MTA3: variants seen among roughly 807,000 people sequenced by gnomAD.
The protein encoded by MTA3 is metastasis-associated protein MTA3.
MTA3 carries 34 observed loss-of-function variants against 83.5 expected under a neutral mutation model. The ratio of observed to expected loss-of-function variants is 0.41; its 90% CI spans 0.31 to 0.54. MTA3 has a LOEUF of 0.54. Among genes scored for constraint, MTA3 ranks in the 20% least tolerant of loss-of-function variants. The pLI is 0.33. For synonymous variants in MTA3, 303 were observed against 252.7 expected (o/e 1.20, Z -1.89); for missense variants, 761 against 726.4 (o/e 1.05, Z -0.55).
At chr2:42,744,222 GA>G (rs1218476309) in intron 16 of MTA3, among the ~76,000 whole-genome samples, 3 of 152,202 alleles carry the variant, frequency 2.0e-5, no homozygotes, top group African/African-American at 7.2e-5. Context: ...CCATGAAGAA[GA>G]CAGATCCAAT....
chr2:42,518,968 AACACACACACAC>A (rs60877713), intron 2 of MTA3, among the ~76,000 whole-genome samples: 13,958 of 114,520 alleles, frequency 0.12, 1,026 homozygotes, highest in South Asian at 0.15. Flanking sequence ...CCTTTCTCAA[AACACACACACAC>A]ACACACACAC....
chr2:42,671,455 A>G (rs1573559595), intron 8 of MTA3, among the ~76,000 whole-genome samples: 1 of 152,082 alleles, frequency 6.6e-6, no homozygotes, highest in Non-Finnish European at 1.5e-5. Context: ...AGTGGTACAT[A>G]TTCTGTTTAT....
chr2:42,694,172 AAGC>A, intron 9 of MTA3, among the ~76,000 whole-genome samples: 1 of 152,122 alleles, frequency 6.6e-6, no homozygotes, highest in African/African-American at 2.4e-5. Context: ...TCCATCCCTT[AAGC>A]AGAAGGAAGG....
intron 2 of MTA3, among the ~76,000 whole-genome samples, chr2:42,548,928 A>C (rs2103767965): frequency 8.3e-6 from 1 of 120,158 alleles, no homozygotes; most frequent in Admixed American, 1.1e-4. Context: ...TAATCCCAGC[A>C]CTTTGGGAGG....
At position 42,695,916 on chromosome 2, in the gene MTA3, A is replaced by G. The variant is rs77405663; in HGVS notation, c.966+77A>G. On this transcript the variant is annotated intron_variant, in intron 10 of 16. Coordinates refer to ENST00000405094, the MANE Select transcript of MTA3 (RefSeq NM_001330442.2). Reference sequence around the variant, plus strand: ...GTTTATATTTTAATATTTTTTGGCGATGTACTACTTTTAAATTTGTTTACC... The same window carrying G: ...GTTTATATTTTAATATTTTTTGGCGGTGTACTACTTTTAAATTTGTTTACC... The G allele has an allele frequency of 3.5e-3, 3,332 of 959,940 alleles. 81 individuals are homozygous for G. In the African/African-American group the frequency reaches 0.048, roughly 14 times the overall value. 59.5% of individuals were successfully genotyped at this position (959,940 alleles called of 1,614,324 possible).
At chr2:42,508,141 G>A (rs546308099) in intron 2 of MTA3, among the ~76,000 whole-genome samples, 1 of 152,148 alleles carries the variant, frequency 6.6e-6, no homozygotes, top group Non-Finnish European at 1.5e-5. Flanking sequence ...AGCATTAGGT[G>A]GGTCATTCCT....
chr2:42,537,796 T>C (rs1480417674), intron 2 of MTA3, among the ~76,000 whole-genome samples: 1 of 152,184 alleles, frequency 6.6e-6, no homozygotes, highest in Admixed American at 6.5e-5. Flanking sequence ...TATGGAATGT[T>C]GAAATTCCTG....
At chr2:42,604,595 A>AT (rs1313887171) in intron 3 of MTA3, among the ~76,000 whole-genome samples, 1 of 83,838 alleles carries the variant, frequency 1.2e-5, no homozygotes, top group Non-Finnish European at 2.5e-5. Context: ...TTTTTAATTT[A>AT]TTTTTTTATT....
At chr2:42,502,032 G>T (rs1024848964) in intron 2 of MTA3, among the ~76,000 whole-genome samples, 1 of 151,910 alleles carries the variant, frequency 6.6e-6, no homozygotes, top group African/African-American at 2.4e-5. Flanking sequence ...TTCCCTGATG[G>T]CTTACAGGTA....
intron 2 of MTA3, among the ~76,000 whole-genome samples, chr2:42,555,586 C>T (rs980720067): frequency 6.7e-6 from 1 of 149,574 alleles, no homozygotes; most frequent in Non-Finnish European, 1.5e-5. Flanking sequence ...CAGTGAAACC[C>T]CATCTCTACT....
chr2:42,699,651 A>C (rs1573669493), intron 11 of MTA3, among the ~76,000 whole-genome samples: 2 of 152,132 alleles, frequency 1.3e-5, no homozygotes, highest in East Asian at 3.9e-4. Flanking sequence ...GGGGGTGTCA[A>C]GTGTGAATCC....
chr2:42,595,096 C>T (rs1312804408), intron 3 of MTA3, among the ~76,000 whole-genome samples: 1 of 121,338 alleles, frequency 8.2e-6, no homozygotes, highest in Non-Finnish European at 1.6e-5. Flanking sequence ...TAAGGCTAAA[C>T]AGGAGCTTCA....
intron 2 of MTA3, among the ~76,000 whole-genome samples, chr2:42,528,103 T>A (rs1196544064): frequency 6.6e-6 from 1 of 151,838 alleles, no homozygotes; most frequent in African/African-American, 2.4e-5. Context: ...TTTTTTGTAT[T>A]TTTAGTAGAG....
chr2:42,612,957 GT>G (rs1684406631), intron 4 of MTA3, among the ~76,000 whole-genome samples: 1 of 152,176 alleles, frequency 6.6e-6, no homozygotes, highest in African/African-American at 2.4e-5. Context: ...TTTTAAAAAT[GT>G]ATCTAAAAGA....
chr2:42,565,324 C>A (rs1677861995), upstream of MTA3, among the ~76,000 whole-genome samples: 1 of 151,818 alleles, frequency 6.6e-6, no homozygotes, highest in East Asian at 1.9e-4. Context: ...GTAGCCAGGA[C>A]CATAGGTGCG....
chr2:42,745,791 T>C (rs1669362016), intron 16 of MTA3, among the ~76,000 whole-genome samples: 1 of 149,332 alleles, frequency 6.7e-6, no homozygotes, highest in African/African-American at 2.5e-5. Flanking sequence ...TATATTTGTA[T>C]TTAGGATTTT....
At chr2:42,593,067 C>T (rs1175900016) in intron 3 of MTA3, among the ~76,000 whole-genome samples, 4 of 151,844 alleles carry the variant, frequency 2.6e-5, no homozygotes, top group African/African-American at 4.8e-5. Flanking sequence ...GCAGGAGAAT[C>T]GCTTGAACCC....
intron 2 of MTA3, among the ~76,000 whole-genome samples, chr2:42,554,556 C>G (rs1677287198): frequency 6.6e-6 from 1 of 152,034 alleles, no homozygotes; most frequent in African/African-American, 2.4e-5. Flanking sequence ...CCCTGGGGGC[C>G]AGGGATAGTG....
intron 3 of MTA3, among the ~76,000 whole-genome samples, chr2:42,592,544 A>C (rs1184038987): frequency 2.0e-5 from 3 of 152,196 alleles, no homozygotes; most frequent in Admixed American, 2.0e-4. Flanking sequence ...TGTTTGCACC[A>C]GTGCACACAA....
Sources: gnomAD v4.1 joint callset for allele counts (sites outside exome capture counted in the v4.1 genomes callset) on GRCh38, gnomAD v4.1.1 for gene constraint, MANE v1.5 for transcripts, NCBI Gene and HGNC (gene_info 2026-07-23, HGNC 2026-07-21) for gene names.